Variants in PATJ observed in about 807,000 individuals in gnomAD.
PATJ encodes the protein inaD-like protein.
In PATJ, 190 loss-of-function variants were observed where a neutral mutation model predicts 224.9. The observed-to-expected ratio is 0.84, with a 90% CI of 0.75 to 0.95. The LOEUF is 0.95. PATJ is among the 40% of genes least tolerant of loss of function. The probability of loss-of-function intolerance (pLI) is 0.00; values close to 1 mark genes in which losing one functional copy is unlikely to be tolerated. For synonymous variants in PATJ, 769 were observed against 820.3 expected (o/e 0.94, Z 1.07); for missense variants, 2,121 against 2,270.3 (o/e 0.93, Z 1.34).
rs1223727349 is a variant in PATJ at position 61,848,735 on chromosome 1, T to C, written c.2113-7295T>C. 2.0e-5 allele frequency among the ~76,000 whole-genome samples: 3 copies of C among 152,340 alleles called. No homozygotes were observed. The South Asian group carries it at 6.2e-4, about 32-fold the overall frequency. ...TCTCCCTTTTAAACTTAATGGTTTC[T>C]TTCTGCATTCTCTATTTTAGCAACT... On this transcript the variant is annotated intron_variant, in intron 17 of 43. Transcript: ENST00000642238.
chr1:62,094,602 C>T (rs1487599889), intron 33 of PATJ, among the ~76,000 whole-genome samples: 3 of 137,024 alleles, frequency 2.2e-5, no homozygotes, highest in African/African-American at 8.4e-5. Flanking sequence ...CACACACACA[C>T]ACACACAGAG....
chr1:61,908,279 T>G (rs1167388751), intron 24 of PATJ, 93 bp from the exon 25 acceptor site: 1 of 812,786 alleles, frequency 1.2e-6, no homozygotes, highest in African/African-American at 1.7e-5. Flanking sequence ...CTCTGGTTGT[T>G]CTTATAACTA....
intron 1 of PATJ, among the ~76,000 whole-genome samples, chr1:61,756,974 G>A (rs1454426749): frequency 6.6e-6 from 1 of 151,774 alleles, no homozygotes; most frequent in African/African-American, 2.4e-5. Context: ...CTCTTAGCAC[G>A]TGGTACATAC....
intron 22 of PATJ, among the ~76,000 whole-genome samples, chr1:61,898,047 C>T (rs930929393): frequency 6.6e-6 from 1 of 152,050 alleles, no homozygotes; most frequent in African/African-American, 2.4e-5. Flanking sequence ...TGTAGAGGGC[C>T]AAGAAGGTGG....
At position 62,163,191 on chromosome 1, in the gene PATJ, C is replaced by G. The variant is rs1220418226; in HGVS notation, c.*2137C>G. The stretch of plus-strand genomic sequence containing the variant: ...ATGGCTATTCCAAAGTATAGAGTGC[C>G]TAAATTTTGTGTTGAAAATGTCTTT... On this transcript the variant is annotated 3_prime_UTR_variant, in exon 44 of 44. Coordinates refer to ENST00000642238, the MANE Select transcript of PATJ (RefSeq NM_001350145.3). The G allele has an allele frequency of 6.5e-6, 1 of 153,782 alleles. No homozygotes were observed. Among genetic ancestry groups the G allele is most frequent in the African/African-American group, 2.4e-5 (1 of 41,392 alleles). 9.5% of individuals were successfully genotyped at this position (153,782 alleles called of 1,614,324 possible). A position where few individuals can be genotyped will look rare whatever the true frequency, so the allele number is the denominator to read the frequency against.
intron 31 of PATJ, chr1:62,072,880 G>A (rs1657685008): frequency 1.6e-5 from 3 of 183,312 alleles, no homozygotes; most frequent in Non-Finnish European, 3.1e-5. Flanking sequence ...TTAGTCCAGT[G>A]GGTGAATGAA....
chr1:62,117,002 T>C, intron 36 of PATJ, 130 bp from the exon 37 acceptor site: 1 of 710,732 alleles, frequency 1.4e-6, no homozygotes. Context: ...CATCCTCCTC[T>C]CTCTAGGGCT....
intron 1 of PATJ, among the ~76,000 whole-genome samples, chr1:61,746,094 AATAT>A (rs34430786): frequency 1.3e-5 from 2 of 148,236 alleles, no homozygotes; most frequent in African/African-American, 4.9e-5. Context: ...ACCACTGGGT[AATAT>A]ATATATATAT....
intron 39 of PATJ, among the ~76,000 whole-genome samples, chr1:62,124,675 T>C (rs1212410035): frequency 6.6e-6 from 1 of 152,164 alleles, no homozygotes; most frequent in Non-Finnish European, 1.5e-5. Context: ...GGTTTGACTT[T>C]TCCTGAGGCC....
chr1:62,049,476 T>C (rs139482998), intron 30 of PATJ, among the ~76,000 whole-genome samples: 3 of 152,276 alleles, frequency 2.0e-5, no homozygotes, highest in African/African-American at 7.2e-5. Flanking sequence ...AAATCAAAAC[T>C]CTTTTCCCTA....
chr1:62,035,630 A>C (rs1335625791), intron 29 of PATJ, among the ~76,000 whole-genome samples: 1 of 149,402 alleles, frequency 6.7e-6, no homozygotes, highest in Admixed American at 6.7e-5. Flanking sequence ...TTTTTTTTCA[A>C]TAACTATGTT....
chr1:61,813,110 C>T lies in PATJ; in HGVS notation c.1683+4580C>T, dbSNP rs570661163. Reference sequence around the variant, plus strand: ...CCATTCATCACGTGGTTCAGCTTTACTTGTCTGTCCTCCCACATTCAAAGC... The same window carrying T: ...CCATTCATCACGTGGTTCAGCTTTATTTGTCTGTCCTCCCACATTCAAAGC... On this transcript the variant is annotated intron_variant, in intron 14 of 43. Coordinates refer to ENST00000642238, the MANE Select transcript of PATJ (RefSeq NM_001350145.3). Among the ~76,000 whole-genome samples the T allele has an allele frequency of 1.8e-4, 27 of 151,978 alleles. No homozygotes were observed. The East Asian group carries it at 3.7e-3, about 21-fold the overall frequency.
chr1:61,839,537 GA>G (rs917767012), intron 17 of PATJ, among the ~76,000 whole-genome samples: 5 of 151,440 alleles, frequency 3.3e-5, no homozygotes, highest in African/African-American at 4.8e-5. Context: ...CAAAAAGCTT[GA>G]AAAAAAATTA....
At chr1:61,908,991 T>C (rs1232070305) in intron 25 of PATJ, among the ~76,000 whole-genome samples, 3 of 152,208 alleles carry the variant, frequency 2.0e-5, no homozygotes, top group African/African-American at 7.2e-5. Flanking sequence ...CTTTTTCTTC[T>C]TTTTTTGAGA....
intron 28 of PATJ, among the ~76,000 whole-genome samples, chr1:62,006,997 GTAAA>G (rs1374076312): frequency 6.6e-6 from 1 of 152,256 alleles, no homozygotes; most frequent in South Asian, 2.1e-4. Context: ...TAACACAATG[GTAAA>G]TATTTTTATA....
intron 25 of PATJ, among the ~76,000 whole-genome samples, chr1:61,911,555 G>A (rs1021629903): frequency 6.6e-6 from 1 of 151,874 alleles, no homozygotes; most frequent in Non-Finnish European, 1.5e-5. Flanking sequence ...CAGCCTTCTG[G>A]AAAAATGTGT....
chr1:61,874,832 A>G (rs919558428), intron 20 of PATJ, among the ~76,000 whole-genome samples: 7 of 152,254 alleles, frequency 4.6e-5, no homozygotes, highest in African/African-American at 1.7e-4. Flanking sequence ...GCTTATAGAT[A>G]TGAAAATTTA....
At chr1:62,092,509 TC>T (rs1558156832) in intron 33 of PATJ, among the ~76,000 whole-genome samples, 1 of 151,508 alleles carries the variant, frequency 6.6e-6, no homozygotes, top group Non-Finnish European at 1.5e-5. Flanking sequence ...ACTCTTGTCG[TC>T]CAGGCTGGAG....
intron 41 of PATJ, among the ~76,000 whole-genome samples, chr1:62,130,400 CACG>C (rs1414848480): frequency 6.6e-6 from 1 of 152,052 alleles, no homozygotes; most frequent in Non-Finnish European, 1.5e-5. Context: ...CATAGTGGCT[CACG>C]CCTATAATCC....
Sources: allele counts gnomAD v4.1 joint callset (sites outside exome capture counted in the v4.1 genomes callset), GRCh38; gene constraint gnomAD v4.1.1; transcripts MANE v1.5; gene names NCBI Gene and HGNC (gene_info 2026-07-23, HGNC 2026-07-21).